ARMC8: variants seen among roughly 807,000 people sequenced by gnomAD.
ARMC8 encodes armadillo repeat containing 8.
Under a neutral mutation model 99.3 loss-of-function variants are expected in ARMC8, and 20 were observed. The observed-to-expected ratio is 0.20, with a 90% CI of 0.14 to 0.29. ARMC8 has a LOEUF of 0.29. ARMC8 is among the 10% of genes least tolerant of loss of function. ARMC8 has a pLI of 1.00. For missense variants in ARMC8, 569 were observed against 809.5 expected, an observed-to-expected ratio of 0.70 and a Z score of 3.60; for synonymous variants, 263 against 278.3, an observed-to-expected ratio of 0.95 and a Z score of 0.55.
At chr3:138,264,785 C>T (rs1008231199) in intron 14 of ARMC8, among the ~76,000 whole-genome samples, 1 of 146,608 alleles carries the variant, frequency 6.8e-6, no homozygotes, top group Non-Finnish European at 1.6e-5. Flanking sequence ...TTTAATATTA[C>T]ACCTTAACCT....
Position 138,297,021 on chromosome 3 carries a change from C to T in ARMC8, c.*1129C>T, listed in dbSNP as rs2051550284. On this transcript the variant is annotated 3_prime_UTR_variant, in exon 22 of 22. Coordinates refer to ENST00000469044, the MANE Select transcript of ARMC8 (RefSeq NM_001363941.2). ...ACTAAAGAATATTCTACAGACACCC[C>T]TGTAGAAAGAAACAAAGAACAGGAT... The T allele has an allele frequency of 6.6e-6, 1 of 152,200 alleles. No homozygotes were observed. Among genetic ancestry groups the T allele is most frequent in the African/African-American group, 2.4e-5 (1 of 41,440 alleles). 9.4% of individuals were successfully genotyped at this position (152,200 alleles called of 1,614,324 possible).
chr3:138,284,465 C>A lies in ARMC8; in HGVS notation c.1760C>A (p.Thr587Lys). 6.2e-7 allele frequency: 1 copy of A among 1,613,756 alleles called. No homozygotes were observed. Among genetic ancestry groups the A allele is most frequent in the South Asian group, 1.1e-5 (1 of 91,066 alleles). Residue 587 changes from threonine to lysine, a missense_variant, in exon 19 of 22, where the codon ACA (threonine) becomes AAA (lysine). Coordinates refer to ENST00000469044, the MANE Select transcript of ARMC8 (RefSeq NM_001363941.2). ...LCILANIADG[T>K]TAKDLIMTND... ...ATCTTAGCCAACATAGCGGATGGGACAACAGCAAAAGATCTTATTATGACC... is the reference window on the plus strand; with the variant it reads ...ATCTTAGCCAACATAGCGGATGGGAAAACAGCAAAAGATCTTATTATGACC...
At chr3:138,209,786 A>T in intron 1 of ARMC8, 31 bp from the exon 2 acceptor site, 4 of 1,591,926 alleles carry the variant, frequency 2.5e-6, no homozygotes, top group Non-Finnish European at 3.4e-6. Flanking sequence ...GCATGGCTTC[A>T]GATGTCATAA....
chr3:138,265,291 G>A (rs1272833536), intron 14 of ARMC8, among the ~76,000 whole-genome samples: 1 of 152,078 alleles, frequency 6.6e-6, no homozygotes, highest in Non-Finnish European at 1.5e-5. Flanking sequence ...AAATGAATCT[G>A]AATCAAGACT....
chr3:138,288,946 A>T, intron 19 of ARMC8, 102 bp from the exon 20 acceptor site: 1 of 920,844 alleles, frequency 1.1e-6, no homozygotes, highest in Non-Finnish European at 1.7e-6. Context: ...CCTGCTTCAG[A>T]CTTTTAGGTT....
chr3:138,230,319 A>G (rs2045966674), intron 6 of ARMC8, among the ~76,000 whole-genome samples: 1 of 152,180 alleles, frequency 6.6e-6, no homozygotes, highest in East Asian at 1.9e-4. Context: ...CAGCCTGGCA[A>G]GTTGAGGAAG....
intron 1 of ARMC8, among the ~76,000 whole-genome samples, chr3:138,197,050 T>A (rs969100771): frequency 6.6e-6 from 1 of 152,206 alleles, no homozygotes; most frequent in African/African-American, 2.4e-5. Flanking sequence ...AAGGGCATTG[T>A]GTAGCAGGCC....
At chr3:138,236,534 A>G (rs1214785035) in intron 7 of ARMC8, among the ~76,000 whole-genome samples, 1 of 152,218 alleles carries the variant, frequency 6.6e-6, no homozygotes, top group Non-Finnish European at 1.5e-5. Context: ...CTGTATTACC[A>G]AAGTGCCATT....
chr3:138,290,065 T>G (rs1033045027), intron 20 of ARMC8, among the ~76,000 whole-genome samples: 1 of 152,068 alleles, frequency 6.6e-6, no homozygotes, highest in Non-Finnish European at 1.5e-5. Context: ...CAGAATGATA[T>G]GAAATTGGAA....
intron 11 of ARMC8, 112 bp downstream of exon 11, chr3:138,242,095 G>A (rs2046652394): frequency 2.5e-6 from 2 of 797,494 alleles, no homozygotes; most frequent in Non-Finnish European, 4.0e-6. Flanking sequence ...TTTAAATAAA[G>A]GTTCTTTTAT....
chr3:138,244,766 A>T (rs2046803389), intron 11 of ARMC8, among the ~76,000 whole-genome samples: 1 of 152,226 alleles, frequency 6.6e-6, no homozygotes, highest in Admixed American at 6.5e-5. Flanking sequence ...AGCAAGCATT[A>T]GTGCCAGTAA....
At chr3:138,194,323 G>A (rs1171401699) in intron 1 of ARMC8, among the ~76,000 whole-genome samples, 5 of 143,380 alleles carry the variant, frequency 3.5e-5, no homozygotes, top group Admixed American at 7.2e-5. Context: ...GATTACAGGC[G>A]TAAGCCACTG....
rs1393693609 is a variant in ARMC8, at chr3:138,187,459, C to T, written c.-96C>T. On this transcript the variant is annotated 5_prime_UTR_variant, in exon 1 of 22. Coordinates refer to ENST00000469044, the MANE Select transcript of ARMC8 (RefSeq NM_001363941.2). ...GGCCAGTTCTCGTCTATCTGGCTGC[C>T]TTTAGGGAGCGGTGCCTAGCGTTGG... 5 of 1,342,390 alleles carry T rather than the reference C, an allele frequency of 3.7e-6. No homozygotes were observed. Among genetic ancestry groups the T allele is most frequent in the Middle Eastern group, 3.6e-4 (2 of 5,606 alleles). The allele number at this position is 1,342,390 out of a possible 1,614,324, so 83.2% of individuals were successfully genotyped here. A position where few individuals can be genotyped will look rare whatever the true frequency, so the allele number is the denominator to read the frequency against.
At chr3:138,275,282 G>A (rs1029461635) in intron 18 of ARMC8, among the ~76,000 whole-genome samples, 2 of 152,202 alleles carry the variant, frequency 1.3e-5, no homozygotes, top group African/African-American at 4.8e-5. Context: ...AGCTGGACGG[G>A]TACAGTGGCT....
intron 18 of ARMC8, among the ~76,000 whole-genome samples, chr3:138,277,558 C>A (rs1403850829): frequency 6.6e-6 from 1 of 152,084 alleles, no homozygotes; most frequent in Non-Finnish European, 1.5e-5. Context: ...AAGAAAACAA[C>A]CAAACATAAA....
intron 6 of ARMC8, among the ~76,000 whole-genome samples, chr3:138,233,236 G>A (rs897396543): frequency 3.9e-5 from 6 of 152,142 alleles, no homozygotes; most frequent in African/African-American, 1.4e-4. Flanking sequence ...TGGATGAGGT[G>A]GGAGGAAAGG....
intron 12 of ARMC8, among the ~76,000 whole-genome samples, chr3:138,247,629 C>G (rs1273329316): frequency 1.3e-5 from 2 of 152,114 alleles, no homozygotes; most frequent in Non-Finnish European, 2.9e-5. Flanking sequence ...AGAAAATAAG[C>G]AAAGTAGAGA....
chr3:138,287,655 TAA>T (rs1254923936), intron 19 of ARMC8: 1 of 456,592 alleles, frequency 2.2e-6, no homozygotes, highest in Non-Finnish European at 4.4e-6. Context: ...GACATCTCCT[TAA>T]AAGTGTTGGC....
At chr3:138,270,662 A>C (rs1176781054) in intron 16 of ARMC8, among the ~76,000 whole-genome samples, 1 of 152,104 alleles carries the variant, frequency 6.6e-6, no homozygotes, top group Non-Finnish European at 1.5e-5. Context: ...ATTAATTAAC[A>C]TGTGTATTAC....
Sources: allele counts gnomAD v4.1 joint callset (sites outside exome capture counted in the v4.1 genomes callset), GRCh38; gene constraint gnomAD v4.1.1; transcripts MANE v1.5; gene names NCBI Gene and HGNC (gene_info 2026-07-23, HGNC 2026-07-21).